THSD4: variants seen among roughly 807,000 people sequenced by gnomAD.
The protein encoded by THSD4 is thrombospondin type 1 domain containing 4.
A neutral mutation model predicts 119.0 loss-of-function variants in THSD4; 69 were observed. That is an observed-to-expected ratio of 0.58 (90% CI 0.48 to 0.71). The LOEUF is 0.71. Ranked by LOEUF, THSD4 falls within the 30% of genes least tolerant of loss-of-function variation. The probability of loss-of-function intolerance (pLI) is 0.00; values close to 1 mark genes in which losing one functional copy is unlikely to be tolerated. For missense variants in THSD4, 1,393 were observed against 1,391.1 expected, an observed-to-expected ratio of 1.00 and a Z score of -0.02; for synonymous variants, 524 against 540.4, an observed-to-expected ratio of 0.97 and a Z score of 0.42.
intron 8 of THSD4, among the ~76,000 whole-genome samples, chr15:71,690,778 A>C (rs1259608195): frequency 6.6e-6 from 1 of 152,186 alleles, no homozygotes; most frequent in Non-Finnish European, 1.5e-5. Context: ...CTCCTTATAA[A>C]ACCATCAGAT....
chr15:71,777,515 G>T lies in THSD4; in HGVS notation c.*141G>T, dbSNP rs555782963. ...CTTAGTCACCACCCCTGCCTCCGGT[G>T]AATGCACCCCGTGGTACCCAGGGGC... On this transcript the variant is annotated 3_prime_UTR_variant, in exon 18 of 18. Coordinates refer to ENST00000261862, the MANE Select transcript of THSD4 (RefSeq NM_024817.3). 5.2e-5 allele frequency: 62 copies of T among 1,185,598 alleles called. No individual in the cohort carries two copies. In the Middle Eastern group the frequency reaches 1.7e-3, roughly 33 times the overall value. 73.4% of individuals were successfully genotyped at this position (1,185,598 alleles called of 1,614,324 possible). A position where few individuals can be genotyped will look rare whatever the true frequency, so the allele number is the denominator to read the frequency against.
intron 8 of THSD4, among the ~76,000 whole-genome samples, chr15:71,691,055 G>A (rs2052038728): frequency 6.6e-6 from 1 of 152,184 alleles, no homozygotes; most frequent in African/African-American, 2.4e-5. Context: ...TAGGTAGAAG[G>A]GGCAGGACGA....
intron 6 of THSD4, among the ~76,000 whole-genome samples, 176 bp downstream of exon 6, chr15:71,256,891 G>A (rs149593068): frequency 6.6e-6 from 1 of 152,318 alleles, no homozygotes; most frequent in African/African-American, 2.4e-5. Flanking sequence ...AGGTAGCATA[G>A]CTCAGGTGAC....
At chr15:71,436,365 A>T (rs559647132) in intron 7 of THSD4, among the ~76,000 whole-genome samples, 9 of 152,202 alleles carry the variant, frequency 5.9e-5, no homozygotes, top group Non-Finnish European at 8.8e-5. Context: ...ATAAAAATAC[A>T]CCAGAGCTGC....
In THSD4 at chr15:71,714,668, G is replaced by C. The variant is rs143043409; in HGVS notation, c.1358-13881G>C. Reference sequence around the variant, plus strand: ...TCGAGACCAGCCTGACCAACATGGTGAAACCCTGTCTCTCCTAAAAATATA... The same window carrying C: ...TCGAGACCAGCCTGACCAACATGGTCAAACCCTGTCTCTCCTAAAAATATA... On this transcript the variant is annotated intron_variant, in intron 8 of 17. Coordinates refer to ENST00000261862, the MANE Select transcript of THSD4 (RefSeq NM_024817.3). Among the ~76,000 whole-genome samples the C allele has an allele frequency of 8.8e-3, 1,342 of 152,110 alleles. 20 individuals are homozygous for C. Among genetic ancestry groups the C allele is most frequent in the Non-Finnish European group, 0.011 (735 of 68,004 alleles).
chr15:71,134,785 T>C (rs552902590), intron 1 of THSD4, among the ~76,000 whole-genome samples: 52 of 152,332 alleles, frequency 3.4e-4, no homozygotes, highest in African/African-American at 1.2e-3. Flanking sequence ...CCAGCACCTG[T>C]TGTTTCCTGA....
rs1454519770 is a variant in THSD4, at chr15:71,737,910, C to T, written c.1809C>T (p.Asp603=). The T allele has an allele frequency of 6.2e-7, 1 of 1,614,258 alleles. No homozygotes were observed. Among genetic ancestry groups the T allele is most frequent in the Non-Finnish European group, 8.5e-7 (1 of 1,180,032 alleles). Residue 603 remains aspartate, a synonymous_variant, in exon 11 of 18, where the codon GAC becomes GAT. Transcript: ENST00000261862. ...HPDRFSPHRP[D]NLVPPAPQPP... ...ACAGATTTTCTCCCCATCGACCGGA[C>T]AACTTGGTGCCACCAGCACCGCAGC...
intron 6 of THSD4, among the ~76,000 whole-genome samples, chr15:71,307,775 C>T (rs573725709): frequency 2.0e-5 from 3 of 152,112 alleles, no homozygotes; most frequent in African/African-American, 7.2e-5. Context: ...ATCTCAAAAA[C>T]AAACAAAAAA....
chr15:71,165,722 G>A (rs998345072), intron 3 of THSD4, among the ~76,000 whole-genome samples: 3 of 152,122 alleles, frequency 2.0e-5, no homozygotes, highest in African/African-American at 7.2e-5. Context: ...AGGAATTTGT[G>A]ATGCAGTGGT....
chr15:71,437,744 G>T (rs113810615), intron 7 of THSD4, among the ~76,000 whole-genome samples: 8 of 152,298 alleles, frequency 5.3e-5, no homozygotes, highest in African/African-American at 1.9e-4. Context: ...AGGGAGCCAA[G>T]AATTCATATG....
intron 6 of THSD4, among the ~76,000 whole-genome samples, chr15:71,322,495 T>A (rs532559010): frequency 1.2e-4 from 18 of 152,234 alleles, no homozygotes; most frequent in Admixed American, 4.6e-4. Context: ...GTATTCGTTG[T>A]CTATGACTGC....
intron 7 of THSD4, among the ~76,000 whole-genome samples, chr15:71,649,014 A>G (rs2051029058): frequency 6.6e-6 from 1 of 152,222 alleles, no homozygotes; most frequent in Admixed American, 6.5e-5. Context: ...TTAGGTGAAC[A>G]TTCATGTGTC....
upstream of THSD4, chr15:71,110,992 C>T (rs539546867): frequency 1.6e-4 from 121 of 751,604 alleles, 1 homozygote; most frequent in South Asian, 1.9e-3. Flanking sequence ...CTGCCAGCCC[C>T]GCCTTCTCCT....
intron 6 of THSD4, among the ~76,000 whole-genome samples, chr15:71,376,210 C>T (rs763038384): frequency 7.9e-5 from 12 of 152,164 alleles, no homozygotes; most frequent in Non-Finnish European, 1.3e-4. Flanking sequence ...TGTGCTGTCT[C>T]TGACTGGAGC....
chr15:71,342,362 T>C (rs2045592543), intron 6 of THSD4: 1 of 154,210 alleles, frequency 6.5e-6, no homozygotes, highest in Admixed American at 6.4e-5. Context: ...GGGCTTGCAC[T>C]CTTGGTCCTC....
chr15:71,606,895 C>G (rs945075135), intron 7 of THSD4, among the ~76,000 whole-genome samples: 1 of 152,164 alleles, frequency 6.6e-6, no homozygotes, highest in African/African-American at 2.4e-5. Flanking sequence ...AATCTGAAAA[C>G]ATTTTGGAGG....
chr15:71,292,878 G>A (rs2044811051), intron 6 of THSD4, among the ~76,000 whole-genome samples: 1 of 152,080 alleles, frequency 6.6e-6, no homozygotes, highest in African/African-American at 2.4e-5. Flanking sequence ...GGGTTTCACT[G>A]TGTTAGCCAG....
At chr15:71,650,426 C>G (rs1256356598) in intron 7 of THSD4, among the ~76,000 whole-genome samples, 2 of 152,100 alleles carry the variant, frequency 1.3e-5, no homozygotes, top group East Asian at 3.9e-4. Flanking sequence ...CTAAAATGCC[C>G]CAGACGATGC....
intron 7 of THSD4, among the ~76,000 whole-genome samples, chr15:71,495,067 C>G (rs1414920384): frequency 6.6e-6 from 1 of 152,086 alleles, no homozygotes; most frequent in Non-Finnish European, 1.5e-5. Context: ...GAAATGTGGG[C>G]AATTTATTGC....
Sources: allele counts gnomAD v4.1 joint callset (sites outside exome capture counted in the v4.1 genomes callset), GRCh38; gene constraint gnomAD v4.1.1; transcripts MANE v1.5; gene names NCBI Gene and HGNC (gene_info 2026-07-23, HGNC 2026-07-21).